Variants in CTNNA3 observed in about 807,000 individuals in gnomAD.
CTNNA3 encodes the protein catenin alpha 3.
Under a neutral mutation model 95.7 loss-of-function variants are expected in CTNNA3, and 76 were observed. That is an observed-to-expected ratio of 0.79 (90% CI 0.66 to 0.96). The LOEUF (loss-of-function observed/expected upper bound fraction) is 0.96, where lower values mean the gene tolerates loss of function less well. Among genes scored for constraint, CTNNA3 ranks in the 40% least tolerant of loss-of-function variants. The pLI, the probability that CTNNA3 is intolerant of heterozygous loss-of-function variation, is 0.00. For synonymous variants in CTNNA3, 431 were observed against 374.4 expected (o/e 1.15, Z -1.74); for missense variants, 1,191 against 1,089.8 (o/e 1.09, Z -1.31).
intron 3 of CTNNA3, among the ~76,000 whole-genome samples, chr10:67,551,325 C>T (rs891499766): frequency 2.0e-5 from 3 of 152,040 alleles, no homozygotes; most frequent in Non-Finnish European, 2.9e-5. Flanking sequence ...GGTGGAACGA[C>T]GTGGAGTTTT....
At chr10:67,649,030 G>C (rs1448013304) in intron 1 of CTNNA3, among the ~76,000 whole-genome samples, 2 of 152,172 alleles carry the variant, frequency 1.3e-5, no homozygotes, top group African/African-American at 4.8e-5. Context: ...GCATAGCCCA[G>C]AGCCAATCTG....
intron 7 of CTNNA3, among the ~76,000 whole-genome samples, chr10:66,965,244 G>A (rs902475911): frequency 6.6e-6 from 1 of 151,874 alleles, no homozygotes; most frequent in Non-Finnish European, 1.5e-5. Flanking sequence ...TTTTTTGTTT[G>A]TTTGTTTTTT....
At chr10:66,026,179 T>C (rs1222132764) in intron 15 of CTNNA3, among the ~76,000 whole-genome samples, 1 of 152,186 alleles carries the variant, frequency 6.6e-6, no homozygotes, top group Non-Finnish European at 1.5e-5. Context: ...TCCTGCTTTA[T>C]ATGTGCTTTA....
intron 5 of CTNNA3, among the ~76,000 whole-genome samples, chr10:67,252,870 CT>C (rs971776467): frequency 1.3e-5 from 2 of 152,186 alleles, no homozygotes; most frequent in African/African-American, 4.8e-5. Context: ...CATTTTCCAT[CT>C]AATTAATCAC....
intron 5 of CTNNA3, among the ~76,000 whole-genome samples, chr10:67,371,118 G>C (rs567204171): frequency 6.6e-6 from 1 of 151,604 alleles, no homozygotes; most frequent in African/African-American, 2.4e-5. Context: ...CGCCCGCCTC[G>C]GCCTCCCAAA....
chr10:66,981,035 T>G (rs1850406944), intron 7 of CTNNA3, among the ~76,000 whole-genome samples: 1 of 152,136 alleles, frequency 6.6e-6, no homozygotes, highest in African/African-American at 2.4e-5. Flanking sequence ...GCCTCCCTAG[T>G]AGCTGGATTA....
At chr10:67,152,789 A>G in intron 7 of CTNNA3, among the ~76,000 whole-genome samples, 1 of 87,424 alleles carries the variant, frequency 1.1e-5, no homozygotes, top group Admixed American at 1.0e-4. Flanking sequence ...CTTTCAGTAA[A>G]CCTTTATATA....
intron 10 of CTNNA3, among the ~76,000 whole-genome samples, chr10:66,536,135 A>AGG (rs1564518338): frequency 1.3e-5 from 1 of 77,926 alleles, no homozygotes; most frequent in East Asian, 2.4e-4. Flanking sequence ...GTGAAACGAC[A>AGG]TGAGAGAGAG....
At chr10:66,057,486 A>G (rs1014935767) in intron 15 of CTNNA3, among the ~76,000 whole-genome samples, 3 of 152,202 alleles carry the variant, frequency 2.0e-5, no homozygotes, top group Non-Finnish European at 4.4e-5. Context: ...TTTGCTCATT[A>G]CTTATCATGA....
At chr10:67,405,058 A>G (rs1845084545) in intron 5 of CTNNA3, among the ~76,000 whole-genome samples, 1 of 152,228 alleles carries the variant, frequency 6.6e-6, no homozygotes, top group Admixed American at 6.5e-5. Flanking sequence ...TCCTGAAGGA[A>G]GCACTAAATA....
chr10:67,576,661 G>A (rs997681373), intron 3 of CTNNA3, among the ~76,000 whole-genome samples: 1 of 142,526 alleles, frequency 7.0e-6, no homozygotes, highest in African/African-American at 2.7e-5. Context: ...CCATTAACTT[G>A]TCATTTAGCA....
intron 10 of CTNNA3, among the ~76,000 whole-genome samples, chr10:66,611,992 G>C (rs1844345052): frequency 6.6e-6 from 1 of 151,908 alleles, no homozygotes; most frequent in South Asian, 2.1e-4. Flanking sequence ...TCTCAACCTG[G>C]ATCTTCTGGT....
intron 6 of CTNNA3, among the ~76,000 whole-genome samples, chr10:67,189,744 C>T (rs1775317174): frequency 6.6e-6 from 1 of 151,904 alleles, no homozygotes; most frequent in Non-Finnish European, 1.5e-5. Flanking sequence ...GAAAACAAGT[C>T]AAAGAGAAGA....
Position 66,958,939 on chromosome 10 carries a change from G to C in CTNNA3, c.1048-183415C>G, listed in dbSNP as rs142407183. Among the ~76,000 whole-genome samples the C allele has an allele frequency of 2.6e-5, 4 of 152,232 alleles. No individual in the cohort carries two copies. In the East Asian group the frequency reaches 7.7e-4, roughly 29 times the overall value. On this transcript the variant is annotated intron_variant, in intron 7 of 17. Transcript: ENST00000433211. The stretch of plus-strand genomic sequence containing the variant: ...GTCAGATATCATTTAACTTGTCCAA[G>C]TAGTTACGCTTCTATTCAGACATAG...
At chr10:66,876,391 G>T (rs1844623610) in intron 7 of CTNNA3, among the ~76,000 whole-genome samples, 1 of 152,088 alleles carries the variant, frequency 6.6e-6, no homozygotes, top group African/African-American at 2.4e-5. Flanking sequence ...ATTTTGTTTG[G>T]AAAACCAGGT....
chr10:67,216,345 C>T (rs1194606635), intron 6 of CTNNA3, among the ~76,000 whole-genome samples: 2 of 152,272 alleles, frequency 1.3e-5, no homozygotes, highest in East Asian at 1.9e-4. Context: ...CAGTGTATCA[C>T]TTACATGTGC....
chr10:67,559,127 A>G (rs1179872519), intron 3 of CTNNA3, among the ~76,000 whole-genome samples: 1 of 152,222 alleles, frequency 6.6e-6, no homozygotes, highest in Non-Finnish European at 1.5e-5. Context: ...ACAGCTTTGA[A>G]GAGAGCAGTG....
At chr10:66,938,731 G>A (rs191562950) in intron 7 of CTNNA3, among the ~76,000 whole-genome samples, 1 of 152,248 alleles carries the variant, frequency 6.6e-6, no homozygotes, top group East Asian at 1.9e-4. Context: ...TGTGTGTTGT[G>A]AATAATCTAC....
chr10:66,050,956 T>G (rs912193991), intron 15 of CTNNA3, among the ~76,000 whole-genome samples: 17 of 152,048 alleles, frequency 1.1e-4, no homozygotes. Flanking sequence ...TGGGCTCAAG[T>G]GATCCTCTCG....
Sources: allele counts gnomAD v4.1 joint callset (sites outside exome capture counted in the v4.1 genomes callset), GRCh38; gene constraint gnomAD v4.1.1; transcripts MANE v1.5; gene names NCBI Gene and HGNC (gene_info 2026-07-23, HGNC 2026-07-21).